The following RMST variants were observed in gnomAD, a reference collection of about 807,000 sequenced individuals.
RMST encodes rhabdomyosarcoma 2 associated transcript, also known as long intergenic non-protein coding RNA 54.
chr12:97,553,151 A>T (rs1429423822), intron 11 of RMST, among the ~76,000 whole-genome samples: 1 of 152,242 alleles, frequency 6.6e-6, no homozygotes, highest in African/African-American at 2.4e-5. Flanking sequence ...TAAAAGACCT[A>T]TAATGGTTTA....
intron 10 of RMST, among the ~76,000 whole-genome samples, chr12:97,499,459 T>C (rs1043037917): frequency 6.6e-5 from 10 of 152,204 alleles, no homozygotes; most frequent in Admixed American, 2.6e-4. Flanking sequence ...ATTTAAGATA[T>C]GCCTTCACTA....
intron 5 of RMST, among the ~76,000 whole-genome samples, chr12:97,484,967 C>G (rs1875908079): frequency 6.6e-6 from 1 of 152,160 alleles, no homozygotes; most frequent in Non-Finnish European, 1.5e-5. Flanking sequence ...TAGAAGACTT[C>G]CCAGCCTTGA....
chr12:97,563,976 C>G lies in RMST; in HGVS notation n.1959-174C>G, dbSNP rs374955760. On this transcript the variant is annotated intron_variant and non_coding_transcript_variant, in intron 13 of 13. Transcript: ENST00000640149. The stretch of plus-strand genomic sequence containing the variant: ...TGTGGAGCTGTGAATGTGATGGAGA[C>G]AAGATTTAGTGTATAGCTCTGCTAC... 8.6e-5 allele frequency: 39 copies of G among 454,328 alleles called. 1 individual carries two copies. The highest frequency in any genetic ancestry group is 7.3e-4 in the African/African-American group (36 of 49,628). The allele number at this position is 454,328 out of a possible 1,614,324, so 28.1% of individuals were successfully genotyped here.
chr12:97,513,265 G>C (rs1044156621), intron 10 of RMST, among the ~76,000 whole-genome samples: 1 of 152,240 alleles, frequency 6.6e-6, no homozygotes. Flanking sequence ...GAGAGCAAGC[G>C]AGGGCTGTGA....
At chr12:97,561,823 C>T (rs1402570990) in intron 13 of RMST, among the ~76,000 whole-genome samples, 2 of 151,904 alleles carry the variant, frequency 1.3e-5, no homozygotes, top group African/African-American at 4.8e-5. Context: ...CTTCACTCCT[C>T]ACAAGATAAG....
intron 10 of RMST, among the ~76,000 whole-genome samples, chr12:97,511,169 G>A (rs1322268193): frequency 2.1e-5 from 3 of 141,820 alleles, no homozygotes; most frequent in African/African-American, 8.1e-5. Context: ...TTTTTTTTGA[G>A]ATGGCGTCTC....
intron 10 of RMST, among the ~76,000 whole-genome samples, chr12:97,499,856 A>G (rs1877890680): frequency 6.6e-6 from 1 of 151,792 alleles, no homozygotes; most frequent in Admixed American, 6.6e-5. Flanking sequence ...ATGGGGTTTC[A>G]CCATGTTGAC....
intron 11 of RMST, among the ~76,000 whole-genome samples, chr12:97,558,998 C>T (rs1438207685): frequency 6.6e-6 from 1 of 152,140 alleles, no homozygotes; most frequent in African/African-American, 2.4e-5. Flanking sequence ...GTCTGCATCT[C>T]ACTTGTGATA....
chr12:97,474,641 A>C (rs1475016629), intron 5 of RMST, among the ~76,000 whole-genome samples: 1 of 151,770 alleles, frequency 6.6e-6, no homozygotes, highest in East Asian at 1.9e-4. Context: ...AAAAAAAAAA[A>C]AAAACCTTGA....
Position 97,463,334 on chromosome 12 carries a change from T to G in RMST, n.584+45T>G, listed in dbSNP as rs180888555. 7 of 152,370 alleles carry G rather than the reference T, an allele frequency of 4.6e-5. No homozygotes were observed. In the East Asian group the frequency reaches 1.4e-3, roughly 29 times the overall value. 9.4% of individuals were successfully genotyped at this position (152,370 alleles called of 1,614,324 possible). A position where few individuals can be genotyped will look rare whatever the true frequency, so the allele number is the denominator to read the frequency against. ...CTGATTCTTGTATTTCTGCACTTTG[T>G]GTCTGCAACATTGGGATAGAAAGCA... On this transcript the variant is annotated intron_variant and non_coding_transcript_variant, in intron 4 of 13. Coordinates refer to ENST00000640149, the Ensembl canonical transcript of RMST.
intron 10 of RMST, among the ~76,000 whole-genome samples, chr12:97,523,162 G>T (rs187172006): frequency 1.3e-5 from 2 of 152,280 alleles, no homozygotes; most frequent in Admixed American, 6.5e-5. Flanking sequence ...AAAGGATTTT[G>T]TTAATACCTT....
intron 10 of RMST, among the ~76,000 whole-genome samples, chr12:97,508,761 G>A (rs1878973285): frequency 6.6e-6 from 1 of 152,130 alleles, no homozygotes; most frequent in Non-Finnish European, 1.5e-5. Context: ...ACCCAGAGTA[G>A]GAGATTAATT....
intron 11 of RMST, chr12:97,532,841 T>C (rs1881779874): frequency 1.3e-5 from 2 of 151,614 alleles, no homozygotes; most frequent in East Asian, 3.9e-4. Flanking sequence ...GTCCTGCAGG[T>C]GATTGGGGCT....
chr12:97,477,305 T>A (rs920949556), intron 5 of RMST, among the ~76,000 whole-genome samples: 8 of 152,160 alleles, frequency 5.3e-5, no homozygotes, highest in African/African-American at 1.9e-4. Context: ...CTAGCAATCC[T>A]GCTGAGCATT....
intron 10 of RMST, among the ~76,000 whole-genome samples, chr12:97,512,358 A>G (rs1328183019): frequency 2.6e-5 from 4 of 152,158 alleles, no homozygotes; most frequent in South Asian, 4.1e-4. Context: ...AAGCTTCCAC[A>G]GCGTGTAAGG....
chr12:97,511,999 G>A (rs575158280), intron 10 of RMST, among the ~76,000 whole-genome samples: 39 of 152,296 alleles, frequency 2.6e-4, no homozygotes, highest in Admixed American at 2.3e-3. Flanking sequence ...GCGGACCCTC[G>A]CAGTGAGTGT....
intron 10 of RMST, among the ~76,000 whole-genome samples, chr12:97,507,467 A>C (rs1878826007): frequency 6.6e-6 from 1 of 152,108 alleles, no homozygotes; most frequent in Non-Finnish European, 1.5e-5. Flanking sequence ...AACATTTTTG[A>C]GTTAGTATCT....
intron 5 of RMST, among the ~76,000 whole-genome samples, chr12:97,481,497 T>A (rs1875272154): frequency 6.6e-6 from 1 of 152,192 alleles, no homozygotes; most frequent in Non-Finnish European, 1.5e-5. Flanking sequence ...AAGAAAGGCT[T>A]TTAAAAGCTT....
intron 11 of RMST, among the ~76,000 whole-genome samples, chr12:97,557,701 C>T (rs1883808040): frequency 6.6e-6 from 1 of 152,058 alleles, no homozygotes; most frequent in Admixed American, 6.5e-5. Context: ...TGCTGGGGGT[C>T]ACTTTGTACT....
Sources: allele counts gnomAD v4.1 joint callset (sites outside exome capture counted in the v4.1 genomes callset), GRCh38; gene constraint gnomAD v4.1.1; transcripts MANE v1.5; gene names NCBI Gene and HGNC (gene_info 2026-07-23, HGNC 2026-07-21).